Variants in ITGB6 observed in about 807,000 individuals in gnomAD.
The protein encoded by ITGB6 is integrin beta-6.
Under a neutral mutation model 84.5 loss-of-function variants are expected in ITGB6, and 80 were observed. The observed-to-expected ratio is 0.95, with a 90% CI of 0.79 to 1.14. The LOEUF is 1.14. Ranked by LOEUF, ITGB6 falls within the 50% of genes most tolerant of loss-of-function variation. The pLI is 0.00. For synonymous variants in ITGB6, 383 were observed against 354.9 expected (o/e 1.08, Z -0.89); for missense variants, 1,006 against 968.0 (o/e 1.04, Z -0.52).
chr2:160,111,649 G>A (rs910452346), intron 13 of ITGB6, among the ~76,000 whole-genome samples: 12 of 140,824 alleles, frequency 8.5e-5, no homozygotes, highest in African/African-American at 1.6e-4. Flanking sequence ...GCGCGATCTC[G>A]GATCAACGCA....
intron 7 of ITGB6, among the ~76,000 whole-genome samples, chr2:160,156,479 T>A (rs1420471833): frequency 6.6e-6 from 1 of 152,176 alleles, no homozygotes; most frequent in East Asian, 1.9e-4. Context: ...CTCGGGATAG[T>A]GGCAGGAATG....
intron 5 of ITGB6, among the ~76,000 whole-genome samples, 167 bp downstream of exon 5, chr2:160,173,807 A>T (rs1387751920): frequency 2.0e-5 from 3 of 152,226 alleles, no homozygotes; most frequent in African/African-American, 7.2e-5. Context: ...CCATTTCAAC[A>T]TGATTTAATT....
chr2:160,136,772 A>G (rs971749152), intron 10 of ITGB6, among the ~76,000 whole-genome samples: 3 of 152,126 alleles, frequency 2.0e-5, no homozygotes, highest in African/African-American at 7.2e-5. Context: ...GAAGCTGGAA[A>G]CCATCATTCT....
In ITGB6 at chr2:160,101,962, A is replaced by G. The variant is rs1025817437; in HGVS notation, c.2269-128T>C. On this transcript the variant is annotated intron_variant, in intron 14 of 14. Transcript: ENST00000283249. ...GAAACCATTAGAACAATTTTGATTA[A>G]TTTGGCATTTCATATGTTTAGTGTT... 6 of 615,930 alleles carry G rather than the reference A, an allele frequency of 9.7e-6. No homozygotes were observed. In the African/African-American group the frequency reaches 1.1e-4, roughly 12 times the overall value. The allele number at this position is 615,930 out of a possible 1,614,324, so 38.2% of individuals were successfully genotyped here.
At chr2:160,111,058 A>G (rs532365915) in intron 13 of ITGB6, among the ~76,000 whole-genome samples, 10 of 152,054 alleles carry the variant, frequency 6.6e-5, no homozygotes, top group Admixed American at 6.5e-4. Context: ...TTGTGGTGCC[A>G]CTCTTATTGT....
At chr2:160,187,779 A>C (rs1234440157) in intron 4 of ITGB6, among the ~76,000 whole-genome samples, 1 of 152,206 alleles carries the variant, frequency 6.6e-6, no homozygotes, top group Non-Finnish European at 1.5e-5. Flanking sequence ...TATAGTTATT[A>C]AATAAATCAG....
chr2:160,170,169 G>T (rs753082383), intron 6 of ITGB6, among the ~76,000 whole-genome samples: 1 of 152,116 alleles, frequency 6.6e-6, no homozygotes, highest in Non-Finnish European at 1.5e-5. Context: ...GGAGTCAAAG[G>T]GAGAAGTCAG....
intron 13 of ITGB6, among the ~76,000 whole-genome samples, chr2:160,109,425 G>T (rs189046936): frequency 6.6e-6 from 1 of 152,314 alleles, no homozygotes; most frequent in Non-Finnish European, 1.5e-5. Flanking sequence ...GTGGGGCATA[G>T]TATGTTCCTG....
intron 11 of ITGB6, among the ~76,000 whole-genome samples, chr2:160,124,471 T>A (rs1476130687): frequency 6.6e-6 from 1 of 152,234 alleles, no homozygotes; most frequent in African/African-American, 2.4e-5. Context: ...TAATACAGGC[T>A]TTTAAATAAA....
At chr2:160,139,303 A>G (rs1683894540) in intron 8 of ITGB6, among the ~76,000 whole-genome samples, 2 of 152,172 alleles carry the variant, frequency 1.3e-5, no homozygotes, top group Non-Finnish European at 1.5e-5. Flanking sequence ...TTTAAAAAGC[A>G]TATTCGGCTT....
chr2:160,118,661 C>T (rs1461832391), intron 12 of ITGB6, among the ~76,000 whole-genome samples: 2 of 151,770 alleles, frequency 1.3e-5, no homozygotes, highest in East Asian at 1.9e-4. Flanking sequence ...GAAGTTCTGG[C>T]CAGGGCAATT....
Position 160,172,565 on chromosome 2 carries a change from ACAC to A in ITGB6, c.921+1_921+3del. The A allele has an allele frequency of 6.3e-7, 1 of 1,588,652 alleles. No homozygotes were observed. The highest frequency in any genetic ancestry group is 8.6e-7 in the Non-Finnish European group (1 of 1,159,426). On this transcript the variant is annotated splice_donor_variant and splice_donor_region_variant and intron_variant, in intron 6 of 14. Coordinates refer to ENST00000283249, the MANE Select transcript of ITGB6 (RefSeq NM_000888.5). LOFTEE classifies it high-confidence loss of function. The stretch of plus-strand genomic sequence containing the variant: ...GAAAACAGTACAGAGTGCAGGTTAC[ACAC>A]CAAGACAGTTGACATGGAGTATTCA...
At chr2:160,168,166 C>T (rs906995085) in intron 7 of ITGB6, among the ~76,000 whole-genome samples, 5 of 152,168 alleles carry the variant, frequency 3.3e-5, no homozygotes, top group African/African-American at 7.2e-5. Context: ...AAGGCAATCT[C>T]ACCTGGGAGT....
chr2:160,108,979 C>T (rs1697015680), intron 13 of ITGB6, among the ~76,000 whole-genome samples: 3 of 152,198 alleles, frequency 2.0e-5, no homozygotes, highest in Non-Finnish European at 4.4e-5. Flanking sequence ...TAGATATCTG[C>T]ATCTCTCTGC....
chr2:160,172,548 TAC>T lies in ITGB6; in HGVS notation c.921+19_921+20del. ...CTCCTACTTATAGCCCTGAAAACAG[TAC>T]AGAGTGCAGGTTACACACCAAGACA... On this transcript the variant is annotated intron_variant, in intron 6 of 14. Transcript: ENST00000283249. 1 of 1,571,898 alleles carries T rather than the reference TAC, an allele frequency of 6.4e-7. No homozygotes were observed. Among genetic ancestry groups the T allele is most frequent in the African/African-American group, 1.3e-5 (1 of 74,532 alleles).
chr2:160,123,938 T>G (rs1683140156), intron 11 of ITGB6, 50 bp from the exon 12 acceptor site: 1 of 1,360,734 alleles, frequency 7.3e-7, no homozygotes, highest in Non-Finnish European at 1.0e-6. Context: ...GGAAAATAGA[T>G]TTGCAGCTTG....
At chr2:160,120,252 G>T (rs1434512550) in intron 12 of ITGB6, among the ~76,000 whole-genome samples, 3 of 150,884 alleles carry the variant, frequency 2.0e-5, no homozygotes, top group Non-Finnish European at 4.4e-5. Context: ...CAATAGCAAA[G>T]ACTTGGAACC....
At chr2:160,142,101 TTG>T in intron 7 of ITGB6, 30 bp from the exon 8 acceptor site, 1 of 1,403,386 alleles carries the variant, frequency 7.1e-7, no homozygotes, top group Non-Finnish European at 1.0e-6. Context: ...AAGTCAATCT[TTG>T]TTTCCTCATG....
At chr2:160,144,299 C>T (rs1574082340) in intron 7 of ITGB6, among the ~76,000 whole-genome samples, 1 of 152,192 alleles carries the variant, frequency 6.6e-6, no homozygotes, top group South Asian at 2.1e-4. Flanking sequence ...CAGTCCTTAC[C>T]TTACTTTGTG....
Sources: allele counts gnomAD v4.1 joint callset (sites outside exome capture counted in the v4.1 genomes callset), GRCh38; gene constraint gnomAD v4.1.1; transcripts MANE v1.5; gene names NCBI Gene and HGNC (gene_info 2026-07-23, HGNC 2026-07-21).